The following MARK1 variants were observed in gnomAD, a reference collection of about 807,000 sequenced individuals.
MARK1 encodes serine/threonine-protein kinase MARK1.
Under a neutral mutation model 96.3 loss-of-function variants are expected in MARK1, and 40 were observed. The ratio of observed to expected loss-of-function variants is 0.42; its 90% CI spans 0.32 to 0.54. The LOEUF is 0.54. MARK1 is among the 20% of genes least tolerant of loss of function. The pLI is 0.16. For missense variants in MARK1, 719 were observed against 984.6 expected, an observed-to-expected ratio of 0.73 and a Z score of 3.61; for synonymous variants, 317 against 341.2, an observed-to-expected ratio of 0.93 and a Z score of 0.78.
At chr1:220,625,682 C>A in intron 9 of MARK1, 1 of 339,384 alleles carries the variant, frequency 2.9e-6, no homozygotes, top group Non-Finnish European at 5.8e-6. Flanking sequence ...CTTACCATTC[C>A]CATACCTTAA....
intron 1 of MARK1, among the ~76,000 whole-genome samples, chr1:220,536,020 CT>C (rs35210447): frequency 0.25 from 37,732 of 151,448 alleles, 5,552 homozygotes; most frequent in East Asian, 0.46. Context: ...GAATTTTATA[CT>C]TTTTTTTTGT....
intron 1 of MARK1, among the ~76,000 whole-genome samples, chr1:220,556,500 A>AAC (rs1553316275): frequency 5.4e-5 from 8 of 148,692 alleles, no homozygotes; most frequent in Non-Finnish European, 7.5e-5. Flanking sequence ...AAAAAAAAAA[A>AAC]AAAAAACAAA....
chr1:220,661,804 T>C lies in MARK1; in HGVS notation c.2034-8T>C. 2 of 1,586,038 alleles carry C rather than the reference T, an allele frequency of 1.3e-6. No individual in the cohort carries two copies. The highest frequency in any genetic ancestry group is 1.1e-5 in the South Asian group (1 of 88,224). ...CTTTCATTCTTTCCCTTTGCCCTCTTGTTCCAGAAGTACATCAGGGGAACC... is the reference window on the plus strand; with the variant it reads ...CTTTCATTCTTTCCCTTTGCCCTCTCGTTCCAGAAGTACATCAGGGGAACC... On this transcript the variant is annotated splice_region_variant and splice_polypyrimidine_tract_variant and intron_variant, in intron 17 of 17. Coordinates refer to ENST00000366917, the MANE Select transcript of MARK1 (RefSeq NM_018650.5).
At chr1:220,600,892 CTTTTTT>C (rs11417176) in intron 5 of MARK1, among the ~76,000 whole-genome samples, 3 of 144,258 alleles carry the variant, frequency 2.1e-5, no homozygotes, top group Non-Finnish European at 4.5e-5. Context: ...TTTTCTTTTT[CTTTTTT>C]TTTTTTTATT....
chr1:220,580,642 C>T (rs1664174960), intron 2 of MARK1, among the ~76,000 whole-genome samples: 1 of 152,158 alleles, frequency 6.6e-6, no homozygotes. Context: ...TATTCAAGTC[C>T]ATTTTGTCAG....
intron 17 of MARK1, among the ~76,000 whole-genome samples, chr1:220,659,362 A>T (rs1669342570): frequency 6.6e-6 from 1 of 152,138 alleles, no homozygotes; most frequent in Non-Finnish European, 1.5e-5. Context: ...AGATGAGGTG[A>T]TACTGTGGTT....
intron 6 of MARK1, among the ~76,000 whole-genome samples, chr1:220,610,013 T>G (rs1437301342): frequency 6.6e-6 from 1 of 152,218 alleles, no homozygotes; most frequent in Non-Finnish European, 1.5e-5. Flanking sequence ...TTGGTGAATC[T>G]GACAATTATG....
At chr1:220,609,820 G>A (rs1666324608) in intron 6 of MARK1, among the ~76,000 whole-genome samples, 1 of 152,142 alleles carries the variant, frequency 6.6e-6, no homozygotes, top group Non-Finnish European at 1.5e-5. Flanking sequence ...ATGAAGCTTA[G>A]TTTGGCTGAA....
chr1:220,624,324 G>A lies in MARK1; in HGVS notation c.909+5569G>A, dbSNP rs1170513677. ...AAAAAAAAAAAAAAAAATAGGTTGG[G>A]CACGGTGGTTCACAGCTGTAATCCC... On this transcript the variant is annotated intron_variant, in intron 9 of 17. Coordinates refer to ENST00000366917, the MANE Select transcript of MARK1 (RefSeq NM_018650.5). Among the ~76,000 whole-genome samples, 3 of 140,464 alleles carry A rather than the reference G, an allele frequency of 2.1e-5. No homozygotes were observed. In the Admixed American group the frequency reaches 2.2e-4, roughly 10 times the overall value. The allele number at this position is 140,464 out of a possible 152,430, so 92.1% of individuals were successfully genotyped here.
rs1333292920 is a variant in MARK1 at position 220,618,429 on chromosome 1, T to C, written c.672T>C (p.Ala224=). ...TTTGTGGAAGCCCACCCTATGCTGC[T>C]CCCGAGCTTTTCCAAGGAAAGAAGT... is the stretch of plus-strand genomic sequence containing the variant. ...DTFCGSPPYA[A]PELFQGKKYD... is the part of the protein sequence containing the mutation. Residue 224 remains alanine (A), a synonymous_variant, in exon 8 of 18, where the codon GCT becomes GCC. Coordinates refer to ENST00000366917, the MANE Select transcript of MARK1 (RefSeq NM_018650.5). This position sits in a 1 kb window ranked among gnomAD's most constrained non-coding sequence, Gnocchi z 4.6. The C allele has an allele frequency of 6.2e-7, 1 of 1,614,156 alleles. No homozygotes were observed. Among genetic ancestry groups the C allele is most frequent in the Non-Finnish European group, 8.5e-7 (1 of 1,180,018 alleles).
At chr1:220,600,445 A>G (rs1467471026) in intron 5 of MARK1, among the ~76,000 whole-genome samples, 6 of 152,234 alleles carry the variant, frequency 3.9e-5, no homozygotes, top group Admixed American at 3.9e-4. Context: ...TTTAACTATC[A>G]TGGTGTCAAA....
intron 1 of MARK1, among the ~76,000 whole-genome samples, chr1:220,564,214 G>A (rs1662886215): frequency 6.6e-6 from 1 of 152,100 alleles, no homozygotes; most frequent in South Asian, 2.1e-4. Context: ...TTTTTAGTCT[G>A]TAACTTCTTT....
chr1:220,565,571 G>A (rs922925031), intron 1 of MARK1, among the ~76,000 whole-genome samples: 3 of 152,000 alleles, frequency 2.0e-5, no homozygotes, highest in South Asian at 2.1e-4. Context: ...AGCGGGGGTC[G>A]GGGGGAGGGA....
chr1:220,539,130 C>T (rs1328911109), intron 1 of MARK1, among the ~76,000 whole-genome samples: 8 of 150,502 alleles, frequency 5.3e-5, no homozygotes, highest in Admixed American at 6.6e-5. Flanking sequence ...TGAGAGAGGG[C>T]ATCCCTGTCT....
chr1:220,574,929 G>GGGCT (rs1296311902), intron 1 of MARK1, among the ~76,000 whole-genome samples: 6 of 152,138 alleles, frequency 3.9e-5, no homozygotes, highest in Admixed American at 3.3e-4. Context: ...CCTACCTTCA[G>GGGCT]GTCTAATATG....
chr1:220,633,932 G>T (rs1488863414), intron 11 of MARK1, among the ~76,000 whole-genome samples: 1 of 152,172 alleles, frequency 6.6e-6, no homozygotes, highest in Non-Finnish European at 1.5e-5. Flanking sequence ...ATAATTAATA[G>T]ATTTGGAGTC....
intron 1 of MARK1, among the ~76,000 whole-genome samples, chr1:220,530,097 A>G (rs1174474025): frequency 6.6e-6 from 1 of 152,192 alleles, no homozygotes; most frequent in Non-Finnish European, 1.5e-5. Context: ...AGATGATTTC[A>G]TCTTAGGAGG....
chr1:220,548,412 T>G (rs73093505), intron 1 of MARK1, among the ~76,000 whole-genome samples: 2,923 of 152,324 alleles, frequency 0.019, 40 homozygotes, highest in Middle Eastern at 0.044. Context: ...CTGACTACTA[T>G]AGTATTAAAT....
chr1:220,610,329 A>G (rs1452992037), intron 6 of MARK1, among the ~76,000 whole-genome samples: 1 of 152,102 alleles, frequency 6.6e-6, no homozygotes, highest in Non-Finnish European at 1.5e-5. Context: ...CCTTTCTTCC[A>G]CTTGATCGAA....
Sources: allele counts gnomAD v4.1 joint callset (sites outside exome capture counted in the v4.1 genomes callset), GRCh38; gene constraint gnomAD v4.1.1; non-coding constraint Gnocchi (gnomAD v3.1); transcripts MANE v1.5; gene names NCBI Gene and HGNC (gene_info 2026-07-23, HGNC 2026-07-21).